The following ENOX1 variants were observed in gnomAD, a reference collection of about 807,000 sequenced individuals.
The protein encoded by ENOX1 is candidate growth-related and time keeping constitutive hydroquinone (NADH) oxidase.
In ENOX1, 42 loss-of-function variants were observed where a neutral mutation model predicts 82.5. That is an observed-to-expected ratio of 0.51 (90% CI 0.40 to 0.66). The LOEUF (loss-of-function observed/expected upper bound fraction) is 0.66, where lower values mean the gene tolerates loss of function less well. Among genes scored for constraint, ENOX1 ranks in the 30% least tolerant of loss-of-function variants. ENOX1 has a pLI of 0.00. For synonymous variants in ENOX1, 271 were observed against 282.2 expected (o/e 0.96, Z 0.40); for missense variants, 608 against 811.6 (o/e 0.75, Z 3.05).
intron 2 of ENOX1, among the ~76,000 whole-genome samples, chr13:43,628,253 A>G (rs1041701530): frequency 1.3e-5 from 2 of 152,084 alleles, no homozygotes; most frequent in Admixed American, 6.6e-5. Context: ...GTTTTGTTAT[A>G]ATCCCACAGG....
At chr13:43,763,822 G>T (rs1864479157) in intron 1 of ENOX1, among the ~76,000 whole-genome samples, 1 of 152,190 alleles carries the variant, frequency 6.6e-6, no homozygotes, top group African/African-American at 2.4e-5. Flanking sequence ...AATGTTGCTA[G>T]CGTAGAATAA....
In ENOX1 at chr13:43,290,970, T is replaced by C. The variant is rs1252549863; in HGVS notation, c.1446+7376A>G. Among the ~76,000 whole-genome samples the C allele has an allele frequency of 2.0e-5, 3 of 152,116 alleles. No homozygotes were observed. In the East Asian group the frequency reaches 5.8e-4, roughly 29 times the overall value. On this transcript the variant is annotated intron_variant, in intron 12 of 16. Coordinates refer to ENST00000690772, the MANE Select transcript of ENOX1 (RefSeq NM_001347969.2). Reference sequence around the variant, plus strand: ...TGAACCTGGGAGGTGGAGGTTGCAGTGAGCTGAGATCACACCACTGTACTC... The same window carrying C: ...TGAACCTGGGAGGTGGAGGTTGCAGCGAGCTGAGATCACACCACTGTACTC...
At chr13:43,308,232 G>A (rs894052145) in intron 11 of ENOX1, among the ~76,000 whole-genome samples, 3 of 152,134 alleles carry the variant, frequency 2.0e-5, no homozygotes, top group African/African-American at 7.2e-5. Flanking sequence ...CCTGTGAGGG[G>A]ACTTCTCCAC....
intron 1 of ENOX1, among the ~76,000 whole-genome samples, chr13:43,752,951 C>T (rs1950401771): frequency 6.8e-6 from 1 of 147,854 alleles, no homozygotes; most frequent in Non-Finnish European, 1.5e-5. Context: ...CCTCTGCCTC[C>T]CAGGCTCAAG....
At chr13:43,679,604 C>T (rs1019589602) in intron 1 of ENOX1, among the ~76,000 whole-genome samples, 2 of 152,126 alleles carry the variant, frequency 1.3e-5, no homozygotes, top group Admixed American at 6.6e-5. Context: ...TGGCTAGGCC[C>T]TTTACTCATT....
At chr13:43,416,227 C>G (rs1415612509) in intron 3 of ENOX1, among the ~76,000 whole-genome samples, 3 of 124,882 alleles carry the variant, frequency 2.4e-5, no homozygotes, top group Admixed American at 7.9e-5. Context: ...GCGCTCCTCA[C>G]TTCCCAGATG....
chr13:43,687,863 AG>A (rs1303821802), intron 1 of ENOX1, among the ~76,000 whole-genome samples: 1 of 152,176 alleles, frequency 6.6e-6, no homozygotes, highest in Non-Finnish European at 1.5e-5. Context: ...TCTGGAGATC[AG>A]GAAGAGCCTC....
rs190414687 is a variant in ENOX1, at chr13:43,255,387, G to A, written c.1611+10011C>T. 5.6e-3 allele frequency among the ~76,000 whole-genome samples: 851 copies of A among 152,142 alleles called. 7 individuals carry two copies. The highest frequency in any genetic ancestry group is 9.6e-3 in the Non-Finnish European group (650 of 67,968). On this transcript the variant is annotated intron_variant, in intron 14 of 16. Coordinates refer to ENST00000690772, the MANE Select transcript of ENOX1 (RefSeq NM_001347969.2). Reference sequence around the variant, plus strand: ...TTTCCTCTAATATCTGGAAAAAGATGAGAATACCCATTTTACCACTTTTAC... The same window carrying A: ...TTTCCTCTAATATCTGGAAAAAGATAAGAATACCCATTTTACCACTTTTAC...
intron 11 of ENOX1, among the ~76,000 whole-genome samples, chr13:43,300,876 C>A (rs532362881): frequency 6.1e-5 from 9 of 147,356 alleles, no homozygotes; most frequent in African/African-American, 1.9e-4. Flanking sequence ...TTTCAGAGAC[C>A]TACTCATAAA....
chr13:43,234,942 T>C (rs2042456208), intron 15 of ENOX1, among the ~76,000 whole-genome samples: 1 of 152,078 alleles, frequency 6.6e-6, no homozygotes, highest in African/African-American at 2.4e-5. Flanking sequence ...AATAAAAAAA[T>C]AGAGACTGGT....
chr13:43,605,097 A>G (rs2081918939), intron 2 of ENOX1, among the ~76,000 whole-genome samples: 1 of 152,138 alleles, frequency 6.6e-6, no homozygotes, highest in African/African-American at 2.4e-5. Flanking sequence ...AATACATAAA[A>G]ATATGTATTT....
chr13:43,494,049 A>G (rs940013842), intron 2 of ENOX1, among the ~76,000 whole-genome samples: 2 of 152,182 alleles, frequency 1.3e-5, no homozygotes, highest in African/African-American at 4.8e-5. Context: ...AGAACTCACT[A>G]TCATGAGAAT....
intron 2 of ENOX1, among the ~76,000 whole-genome samples, chr13:43,616,204 A>ATATATATATTT (rs1457149422): frequency 2.6e-4 from 4 of 15,318 alleles, no homozygotes; most frequent in South Asian, 5.7e-3. Context: ...ATATATATAT[A>ATATATATATTT]TTTTTTTTTT....
chr13:43,663,507 T>C (rs768287804), intron 2 of ENOX1, among the ~76,000 whole-genome samples: 1 of 152,216 alleles, frequency 6.6e-6, no homozygotes, highest in Non-Finnish European at 1.5e-5. Context: ...TATTTCCTAA[T>C]TGTCCCAAGC....
At chr13:43,778,828 T>TGGGCAGGGCA (rs747964686) in intron 1 of ENOX1, among the ~76,000 whole-genome samples, 1 of 152,098 alleles carries the variant, frequency 6.6e-6, no homozygotes, top group East Asian at 1.9e-4. Flanking sequence ...CCAAGTCCAA[T>TGGGCAGGGCA]GGGCAGGGCA....
At chr13:43,333,169 AT>A (rs1387333674) in intron 9 of ENOX1, among the ~76,000 whole-genome samples, 1 of 152,228 alleles carries the variant, frequency 6.6e-6, no homozygotes, top group Non-Finnish European at 1.5e-5. Context: ...AAATCCTTAC[AT>A]AAATATCTTT....
intron 12 of ENOX1, among the ~76,000 whole-genome samples, chr13:43,280,375 C>A (rs1177088270): frequency 1.3e-5 from 2 of 152,196 alleles, no homozygotes; most frequent in African/African-American, 4.8e-5. Flanking sequence ...TTCAGTTTAA[C>A]CACTGGAGAA....
intron 15 of ENOX1, among the ~76,000 whole-genome samples, chr13:43,228,444 A>T (rs2042123904): frequency 6.6e-6 from 1 of 152,184 alleles, no homozygotes; most frequent in Non-Finnish European, 1.5e-5. Context: ...AGAACAAAGG[A>T]GGTTCAGTAC....
At chr13:43,751,786 T>C (rs1327704236) in intron 1 of ENOX1, among the ~76,000 whole-genome samples, 3 of 152,202 alleles carry the variant, frequency 2.0e-5, no homozygotes, top group Non-Finnish European at 4.4e-5. Context: ...TACCTGTTGA[T>C]GGACATGTGG....
Sources: allele counts gnomAD v4.1 joint callset (sites outside exome capture counted in the v4.1 genomes callset), GRCh38; gene constraint gnomAD v4.1.1; transcripts MANE v1.5; gene names NCBI Gene and HGNC (gene_info 2026-07-23, HGNC 2026-07-21).